RAD52: variants seen among roughly 807,000 people sequenced by gnomAD.
RAD52 encodes the protein DNA repair protein RAD52 homolog.
A neutral mutation model predicts 55.5 loss-of-function variants in RAD52; 47 were observed. The ratio of observed to expected loss-of-function variants is 0.85; its 90% CI spans 0.67 to 1.08. The LOEUF is 1.08. RAD52 is among the 50% of genes least tolerant of loss of function. The pLI is 0.00. For synonymous variants in RAD52, 184 were observed against 198.9 expected, an observed-to-expected ratio of 0.92 and a Z score of 0.63; for missense variants, 468 against 522.8, an observed-to-expected ratio of 0.90 and a Z score of 1.02.
intron 7 of RAD52, 152 bp downstream of exon 7, chr12:925,298 T>C: frequency 1.5e-6 from 1 of 685,702 alleles, no homozygotes; most frequent in Non-Finnish European, 2.6e-6. Flanking sequence ...TAGTTCCTGC[T>C]GTCTCTAACA....
chr12:973,779 C>CTTTTTTTTT (rs1401411600), intron 1 of RAD52, among the ~76,000 whole-genome samples: 31 of 136,858 alleles, frequency 2.3e-4, no homozygotes, highest in African/African-American at 6.0e-4. Flanking sequence ...ACGCCCAGTC[C>CTTTTTTTTT]TTCTTTTTTT....
intron 1 of RAD52, among the ~76,000 whole-genome samples, chr12:986,673 C>G (rs745392157): frequency 6.6e-6 from 1 of 151,782 alleles, no homozygotes; most frequent in African/African-American, 2.4e-5. Flanking sequence ...ACTGTTTTAA[C>G]GATAGCAAGA....
At chr12:920,400 C>CA in intron 7 of RAD52, among the ~76,000 whole-genome samples, 1 of 55,518 alleles carries the variant, frequency 1.8e-5, no homozygotes, top group Non-Finnish European at 3.9e-5. Flanking sequence ...ACTAAAAATA[C>CA]AAAAAATTAG....
chr12:913,114 T>C lies in RAD52; in HGVS notation c.*277A>G. 1 of 354,348 alleles carries C rather than the reference T, an allele frequency of 2.8e-6. No individual in the cohort carries two copies. Among genetic ancestry groups the C allele is most frequent in the Non-Finnish European group, 5.0e-6 (1 of 198,120 alleles). The allele number at this position is 354,348 out of a possible 1,614,324, so 22.0% of individuals were successfully genotyped here. ...AAAATGTCCATCTTCATTAACATAA[T>C]AGTTCAGTAATAAATAGTGGGAAGC... On this transcript the variant is annotated 3_prime_UTR_variant, in exon 12 of 12. Transcript: ENST00000358495.
At chr12:925,841 CT>C (rs535649586) in intron 6 of RAD52, among the ~76,000 whole-genome samples, 3 of 151,742 alleles carry the variant, frequency 2.0e-5, no homozygotes, top group African/African-American at 4.8e-5. Context: ...GAGAGTTTTT[CT>C]TTTTTTTCCC....
chr12:972,517 A>G (rs1220876740), intron 1 of RAD52, among the ~76,000 whole-genome samples: 1 of 152,036 alleles, frequency 6.6e-6, no homozygotes, highest in African/African-American at 2.4e-5. Context: ...CTGTAATCCC[A>G]GCACTTTGGG....
chr12:945,291 C>T (rs547578533), intron 1 of RAD52, among the ~76,000 whole-genome samples: 76 of 150,492 alleles, frequency 5.1e-4, no homozygotes, highest in African/African-American at 1.5e-3. Flanking sequence ...GCGAAGGTTG[C>T]AGTGAGCCAA....
chr12:917,199 C>T (rs2154109132), intron 7 of RAD52, among the ~76,000 whole-genome samples: 1 of 152,310 alleles, frequency 6.6e-6, no homozygotes, highest in East Asian at 1.9e-4. Context: ...CTGCAAATCG[C>T]GCTCGTCACT....
intron 1 of RAD52, among the ~76,000 whole-genome samples, chr12:940,736 T>C (rs1167303994): frequency 6.6e-6 from 1 of 152,104 alleles, no homozygotes; most frequent in Non-Finnish European, 1.5e-5. Flanking sequence ...AAAAGCCTTC[T>C]AGTAGAATTA....
At chr12:951,647 C>T (rs1004924526), upstream of RAD52, among the ~76,000 whole-genome samples, 4 of 152,120 alleles carry the variant, frequency 2.6e-5, no homozygotes, top group African/African-American at 9.7e-5. Context: ...TTTCAAAGAA[C>T]CAGCTCATGG....
chr12:929,603 T>C, intron 5 of RAD52: 1 of 757,298 alleles, frequency 1.3e-6, no homozygotes, highest in South Asian at 1.4e-5. Context: ...GTGAAAACTT[T>C]TAGGTGTCAG....
intron 1 of RAD52, chr12:936,859 T>C (rs554271595): frequency 6.6e-6 from 1 of 152,232 alleles, no homozygotes; most frequent in East Asian, 1.9e-4. Flanking sequence ...CTTGGTCACT[T>C]TGTCCACTCC....
At chr12:941,095 T>A (rs547146261) in intron 1 of RAD52, among the ~76,000 whole-genome samples, 2 of 152,030 alleles carry the variant, frequency 1.3e-5, no homozygotes, top group South Asian at 4.1e-4. Flanking sequence ...TCCGGATAAA[T>A]ACAAATAAAA....
At chr12:917,087 G>A (rs139073141) in intron 7 of RAD52, among the ~76,000 whole-genome samples, 1 of 152,296 alleles carries the variant, frequency 6.6e-6, no homozygotes, top group African/African-American at 2.4e-5. Flanking sequence ...CTGGGCTGCT[G>A]GGTCTGTCTT....
intron 1 of RAD52, among the ~76,000 whole-genome samples, chr12:960,589 A>C (rs1308100143): frequency 1.3e-5 from 2 of 152,156 alleles, no homozygotes; most frequent in African/African-American, 4.8e-5. Flanking sequence ...CAGCCTTCTG[A>C]GTAGCTGGGA....
intron 1 of RAD52, among the ~76,000 whole-genome samples, chr12:987,690 A>G (rs1057340154): frequency 6.6e-6 from 1 of 151,576 alleles, no homozygotes; most frequent in South Asian, 2.1e-4. Flanking sequence ...CCACCTGAGT[A>G]GCTGGGATTA....
chr12:926,096 G>A (rs924470312), intron 6 of RAD52, among the ~76,000 whole-genome samples: 1 of 152,148 alleles, frequency 6.6e-6, no homozygotes, highest in African/African-American at 2.4e-5. Flanking sequence ...GTGCGGCCTG[G>A]TGGGAGGTAC....
At chr12:973,920 G>A (rs1186671212) in intron 1 of RAD52, among the ~76,000 whole-genome samples, 1 of 151,660 alleles carries the variant, frequency 6.6e-6, no homozygotes, top group Non-Finnish European at 1.5e-5. Flanking sequence ...GAGTAACCGG[G>A]GACCACAGGC....
intron 10 of RAD52, 62 bp from the exon 11 acceptor site, chr12:914,183 T>A (rs1956236036): frequency 6.8e-6 from 10 of 1,477,706 alleles, no homozygotes; most frequent in Non-Finnish European, 9.3e-6. Context: ...CAGAAAGCAC[T>A]GGAAAAACTG....
Sources: gnomAD v4.1 joint callset for allele counts (sites outside exome capture counted in the v4.1 genomes callset) on GRCh38, gnomAD v4.1.1 for gene constraint, MANE v1.5 for transcripts, NCBI Gene and HGNC (gene_info 2026-07-23, HGNC 2026-07-21) for gene names.